RHEX: variants seen among roughly 807,000 people sequenced by gnomAD.
The protein encoded by RHEX is regulator of hemoglobinization and erythroid cell expansion.
In RHEX, 18 loss-of-function variants were observed where a neutral mutation model predicts 20.1. The observed-to-expected ratio is 0.90, with a 90% confidence interval of 0.62 to 1.33. The LOEUF (loss-of-function observed/expected upper bound fraction) is 1.33. Among genes scored for constraint, RHEX ranks in the 40% most tolerant of loss-of-function variants. RHEX has a pLI of 0.00. For missense variants in RHEX, 192 were observed against 214.3 expected, an observed-to-expected ratio of 0.90 and a Z score of 0.65; for synonymous variants, 87 against 77.1, an observed-to-expected ratio of 1.13 and a Z score of -0.67.
At chr1:206,075,356 T>C (rs1007392218) in intron 1 of RHEX, among the ~76,000 whole-genome samples, 1 of 152,162 alleles carries the variant, frequency 6.6e-6, no homozygotes, top group Non-Finnish European at 1.5e-5. Context: ...AAAGAGTGGA[T>C]CATTGGCAGT....
chr1:206,076,637 C>T (rs1662642484), intron 1 of RHEX, among the ~76,000 whole-genome samples: 1 of 152,222 alleles, frequency 6.6e-6, no homozygotes. Context: ...TGTACTTCCC[C>T]CAAATGTGAC....
intron 3 of RHEX, among the ~76,000 whole-genome samples, chr1:206,098,938 G>C (rs1663130456): frequency 6.6e-6 from 1 of 152,226 alleles, no homozygotes; most frequent in South Asian, 2.1e-4. Flanking sequence ...GAGGAAAAAT[G>C]GAACAAGGGA....
rs782012299 is a variant in RHEX at position 206,099,771 on chromosome 1, A to T, written c.229A>T (p.Ile77Phe). Residue 77 changes from isoleucine to phenylalanine, a missense_variant, in exon 4 of 6, where the codon ATC (isoleucine) becomes TTC (phenylalanine). Ile to Phe is a conservative substitution (Grantham distance 21). Transcript: ENST00000331555. Reference protein sequence around the residue: ...EMKETQTERDIPMSDSLYRHD... With the variant: ...EMKETQTERDFPMSDSLYRHD... ...GAAGGAGACTCAGACAGAGAGAGACATCCCAATGTCTGATTCCCTTTACAG... is the reference window on the plus strand; with the variant it reads ...GAAGGAGACTCAGACAGAGAGAGACTTCCCAATGTCTGATTCCCTTTACAG... 9.3e-6 allele frequency: 15 copies of T among 1,614,142 alleles called. No homozygotes were observed. The South Asian group carries it at 1.5e-4, about 17-fold the overall frequency.
At chr1:206,060,298 C>T (rs1004490644) in intron 1 of RHEX, 2 of 152,050 alleles carry the variant, frequency 1.3e-5, no homozygotes, top group Admixed American at 6.5e-5. Flanking sequence ...TAAACAGTAG[C>T]TAATATTACC....
chr1:206,065,480 G>A (rs1008014349), intron 1 of RHEX, among the ~76,000 whole-genome samples: 2 of 152,148 alleles, frequency 1.3e-5, no homozygotes, highest in South Asian at 2.1e-4. Flanking sequence ...TGGATGGCAG[G>A]GACCCCACAG....
chr1:206,069,348 G>A (rs1043966777), intron 1 of RHEX, among the ~76,000 whole-genome samples: 17 of 152,244 alleles, frequency 1.1e-4, no homozygotes, highest in African/African-American at 3.4e-4. Flanking sequence ...AAAACCTACC[G>A]CAGGATCTTA....
At chr1:206,086,650 T>C (rs1662846630) in intron 1 of RHEX, among the ~76,000 whole-genome samples, 2 of 152,210 alleles carry the variant, frequency 1.3e-5, no homozygotes, top group South Asian at 2.1e-4. Flanking sequence ...TTAAATAAGA[T>C]AATTGATGCA....
intron 1 of RHEX, among the ~76,000 whole-genome samples, chr1:206,083,043 C>G (rs1662769485): frequency 2.0e-5 from 3 of 152,116 alleles, no homozygotes; most frequent in Admixed American, 2.0e-4. Context: ...AGAAGTTGTC[C>G]TCAAAAATTT....
intron 1 of RHEX, among the ~76,000 whole-genome samples, chr1:206,092,399 T>TA (rs1349897256): frequency 1.3e-5 from 2 of 152,218 alleles, no homozygotes; most frequent in African/African-American, 4.8e-5. Flanking sequence ...TCTTACATAT[T>TA]AAAAGACTGA....
At chr1:206,082,244 G>A (rs1256490601) in intron 1 of RHEX, among the ~76,000 whole-genome samples, 1 of 152,098 alleles carries the variant, frequency 6.6e-6, no homozygotes, top group Non-Finnish European at 1.5e-5. Context: ...GCGGCTGGGC[G>A]CTGTGGCTCA....
In RHEX at chr1:206,099,644, C is replaced by T. The variant is rs782772416; in HGVS notation, c.113-11C>T. ...AGTTTCCACTTTTGATCCCTGCCCT[C>T]TCCCTTCCAGCCCACAAGAGTGAAC... On this transcript the variant is annotated splice_polypyrimidine_tract_variant and intron_variant, in intron 3 of 5. Coordinates refer to ENST00000331555, the MANE Select transcript of RHEX (RefSeq NM_001007544.4). 3 of 1,613,224 alleles carry T rather than the reference C, an allele frequency of 1.9e-6. No individual in the cohort carries two copies. In the African/African-American group the frequency reaches 4.0e-5, roughly 22 times the overall value.
intron 1 of RHEX, among the ~76,000 whole-genome samples, chr1:206,088,176 A>G (rs1418743522): frequency 1.3e-5 from 2 of 152,236 alleles, no homozygotes; most frequent in Non-Finnish European, 2.9e-5. Flanking sequence ...GAAAAAATGC[A>G]TGTTAATTGC....
At chr1:206,095,149 G>A (rs1160298590) in intron 1 of RHEX, among the ~76,000 whole-genome samples, 3 of 151,974 alleles carry the variant, frequency 2.0e-5, no homozygotes, top group African/African-American at 7.3e-5. Flanking sequence ...CAAGGGCAAT[G>A]GTAGGAATTC....
intron 1 of RHEX, among the ~76,000 whole-genome samples, chr1:206,080,818 T>G (rs1237701835): frequency 6.6e-6 from 1 of 152,134 alleles, no homozygotes; most frequent in Non-Finnish European, 1.5e-5. Context: ...GTGCCTTCTT[T>G]TTGAAATAGG....
chr1:206,101,877 A>G lies in RHEX; in HGVS notation c.444A>G (p.Arg148=). The G allele has an allele frequency of 2.5e-6, 4 of 1,614,016 alleles. No homozygotes were observed. The highest frequency in any genetic ancestry group is 3.4e-6 in the Non-Finnish European group (4 of 1,179,970). The change falls in exon 6 of 6, where the codon AGA becomes AGG. Residue 148 remains arginine, a synonymous_variant. Transcript: ENST00000331555. Reference sequence around the variant, plus strand: ...ATTATGTCAATGTCAATCCAGAAAGACACAAGCCCAGTTTCTGGTATTTTG... The same window carrying G: ...ATTATGTCAATGTCAATCCAGAAAGGCACAAGCCCAGTTTCTGGTATTTTG... The part of the protein sequence containing the change: ...ITDYVNVNPE[R]HKPSFWYFVN...
chr1:206,082,956 C>T (rs1488918529), intron 1 of RHEX, among the ~76,000 whole-genome samples: 2 of 152,186 alleles, frequency 1.3e-5, no homozygotes, highest in African/African-American at 4.8e-5. Context: ...TGAAATCAGC[C>T]TTCCTTCCCT....
chr1:206,100,380 G>C (rs1042999403), intron 4 of RHEX, among the ~76,000 whole-genome samples: 2 of 152,222 alleles, frequency 1.3e-5, no homozygotes, highest in Non-Finnish European at 2.9e-5. Context: ...GCAACTCCCT[G>C]ATAGGGGCTC....
chr1:206,064,642 C>T (rs1486266956), intron 1 of RHEX, among the ~76,000 whole-genome samples: 2 of 83,460 alleles, frequency 2.4e-5, no homozygotes, highest in Non-Finnish European at 5.1e-5. Context: ...CGCCCCGTCC[C>T]GGGGGGAGGT....
intron 1 of RHEX, among the ~76,000 whole-genome samples, chr1:206,057,804 T>C (rs979751416): frequency 7.9e-5 from 12 of 152,380 alleles, no homozygotes; most frequent in Admixed American, 1.3e-4. Context: ...TACAATACTA[T>C]GGACCTGCCA....
Sources: allele counts gnomAD v4.1 joint callset (sites outside exome capture counted in the v4.1 genomes callset), GRCh38; gene constraint gnomAD v4.1.1; transcripts MANE v1.5; gene names NCBI Gene and HGNC (gene_info 2026-07-23, HGNC 2026-07-21).